Variants in NWD1 observed in about 807,000 individuals in gnomAD.
NWD1 encodes the protein NACHT domain- and WD repeat-containing protein 1.
NWD1 carries 129 observed loss-of-function variants against 135.1 expected under a neutral mutation model. The observed-to-expected ratio is 0.96, with a 90% CI of 0.83 to 1.11. The LOEUF is 1.11. Among genes scored for constraint, NWD1 ranks in the 50% least tolerant of loss-of-function variants. NWD1 has a pLI of 0.00. For synonymous variants in NWD1, 773 were observed against 786.0 expected (o/e 0.98, Z 0.28); for missense variants, 1,740 against 1,851.3 (o/e 0.94, Z 1.10).
chr19:16,745,832 G>T (rs112057770), intron 5 of NWD1, among the ~76,000 whole-genome samples: 2 of 152,128 alleles, frequency 1.3e-5, no homozygotes, highest in Non-Finnish European at 1.5e-5. Context: ...TGAGAGGATC[G>T]CTGGAGCCCG....
intron 18 of NWD1, among the ~76,000 whole-genome samples, chr19:16,808,827 C>T (rs79902980): frequency 0.042 from 6,323 of 152,004 alleles, 422 homozygotes; most frequent in African/African-American, 0.14. Flanking sequence ...GGTGCAGTGG[C>T]TCACCCGGCA....
chr19:16,784,262 C>T (rs1324983982), intron 12 of NWD1, among the ~76,000 whole-genome samples: 2 of 151,562 alleles, frequency 1.3e-5, no homozygotes, highest in African/African-American at 2.4e-5. Context: ...TCCCAGGCTG[C>T]GGCTGAGGCA....
At position 16,741,723 on chromosome 19, in the gene NWD1, G is replaced by A. The variant is rs572191866; in HGVS notation, c.199-2698G>A. ...GAATTTCCCTGACTCCCCAGGCTAC[G>A]TACGACCCATGTTTTACCCTTTCTT... On this transcript the variant is annotated intron_variant, in intron 4 of 18. Coordinates refer to ENST00000524140, the MANE Select transcript of NWD1 (RefSeq NM_001007525.5). 1.1e-4 allele frequency among the ~76,000 whole-genome samples: 16 copies of A among 151,992 alleles called. No homozygotes were observed. The South Asian group carries it at 2.7e-3, about 26-fold the overall frequency.
In NWD1 at chr19:16,744,427, A is replaced by G. The variant is rs1355320694; in HGVS notation, c.205A>G (p.Ile69Val). The change falls in exon 5 of 19, where the codon ATC (isoleucine) becomes GTC (valine). Residue 69 changes from isoleucine to valine, a missense_variant. By Grantham distance (29) the Ile-to-Val change is conservative. Coordinates refer to ENST00000524140, the MANE Select transcript of NWD1 (RefSeq NM_001007525.5). ...TSIGPAFVAL[I>V]GDQYGPCLIP... Reference sequence around the variant, plus strand: ...GTGACTTCCTCTCTGCCAGGCCCTCATCGGTGATCAGTACGGCCCCTGTCT... The same window carrying G: ...GTGACTTCCTCTCTGCCAGGCCCTCGTCGGTGATCAGTACGGCCCCTGTCT... 2 of 1,535,570 alleles carry G rather than the reference A, an allele frequency of 1.3e-6. No individual in the cohort carries two copies. The highest frequency in any genetic ancestry group is 8.7e-7 in the Non-Finnish European group (1 of 1,146,494).
At chr19:16,811,058 G>T (rs954397009) in intron 18 of NWD1, among the ~76,000 whole-genome samples, 4 of 152,010 alleles carry the variant, frequency 2.6e-5, no homozygotes, top group African/African-American at 9.7e-5. Flanking sequence ...TAGAGACAGG[G>T]TTTCACCCAC....
chr19:16,806,966 G>A (rs536682163), intron 17 of NWD1, among the ~76,000 whole-genome samples: 2 of 151,672 alleles, frequency 1.3e-5, no homozygotes, highest in East Asian at 1.9e-4. Context: ...ACAGTGAGCC[G>A]AGATTGTGCC....
rs765130872 is a variant in NWD1, at chr19:16,791,569, G to A, written c.3160G>A (p.Val1054Ile). 10 of 1,614,062 alleles carry A rather than the reference G, an allele frequency of 6.2e-6. No individual in the cohort carries two copies. Among genetic ancestry groups the A allele is most frequent in the Non-Finnish European group, 8.5e-6 (10 of 1,180,036 alleles). Residue 1054 changes from valine to isoleucine, a missense_variant, in exon 14 of 19, where the codon GTC becomes ATC. Physicochemically the swap from Val to Ile is conservative, Grantham distance 29. Coordinates refer to ENST00000524140, the MANE Select transcript of NWD1 (RefSeq NM_001007525.5). Reference sequence around the variant, plus strand: ...AGAAACACCTACCTGTGCCGTCTCAGTCCAGAAGCAAGGAAAGCTTGTTAC... The same window carrying A: ...AGAAACACCTACCTGTGCCGTCTCAATCCAGAAGCAAGGAAAGCTTGTTAC... ...KEETPTCAVS[V>I]QKQGKLVTGF... is the part of the protein sequence containing the mutation.
chr19:16,764,173 A>T (rs898471575), intron 9 of NWD1, among the ~76,000 whole-genome samples: 2 of 152,198 alleles, frequency 1.3e-5, no homozygotes, highest in Non-Finnish European at 1.5e-5. Context: ...TGGTGGGTGG[A>T]GGCCAGGAAT....
chr19:16,807,901 T>C lies in NWD1; in HGVS notation c.4052T>C (p.Leu1351Pro), dbSNP rs1970803515. Residue 1351 changes from leucine to proline, a missense_variant, in exon 18 of 19, where the codon CTC (leucine) becomes CCC (proline). Coordinates refer to ENST00000524140, the MANE Select transcript of NWD1 (RefSeq NM_001007525.5). ...TTTTACACTCAGCTGCCCGAGACCC[T>C]CTCCAGCGTGGCCATTCTGACGGAC... ...YTFYTQLPETLSSVAILTDYR... is the reference protein window; with the variant it reads ...YTFYTQLPETPSSVAILTDYR... 2 of 1,614,056 alleles carry C rather than the reference T, an allele frequency of 1.2e-6. No homozygotes were observed. The highest frequency in any genetic ancestry group is 1.7e-6 in the Non-Finnish European group (2 of 1,180,018).
In NWD1 at chr19:16,789,189, A is replaced by C. The variant is rs1970160224; in HGVS notation, c.2939A>C (p.Lys980Thr). The C allele has an allele frequency of 6.2e-7, 1 of 1,611,620 alleles. No individual in the cohort carries two copies. The change falls in exon 13 of 19, where the codon AAG (lysine) becomes ACG (threonine). Residue 980 changes from lysine (K) to threonine (T), a missense_variant and splice_region_variant. Coordinates refer to ENST00000524140, the MANE Select transcript of NWD1 (RefSeq NM_001007525.5). ...GTTGTGTATTCAGCATCTGGCTCAA[A>C]GGTAACAAACATATGCCCTGTTTGT... is the stretch of plus-strand genomic sequence containing the variant. ...HKVVYSASGS[K>T]INAWNLETAE...
intron 10 of NWD1, among the ~76,000 whole-genome samples, chr19:16,770,811 A>C (rs1294491020): frequency 1.3e-5 from 2 of 152,154 alleles, no homozygotes; most frequent in African/African-American, 4.8e-5. Flanking sequence ...TTCTGCCCTG[A>C]AACCCTATTT....
At chr19:16,728,010 A>C (rs180795169) in intron 2 of NWD1, among the ~76,000 whole-genome samples, 1 of 151,988 alleles carries the variant, frequency 6.6e-6, no homozygotes, top group African/African-American at 2.4e-5. Context: ...GCAGTGAGCC[A>C]AGATCGCGCC....
At chr19:16,737,805 C>G (rs1967885446) in intron 4 of NWD1, among the ~76,000 whole-genome samples, 1 of 151,570 alleles carries the variant, frequency 6.6e-6, no homozygotes, top group African/African-American at 2.4e-5. Flanking sequence ...AGTCCCATAT[C>G]TACTAAAAAA....
At chr19:16,734,700 A>G (rs1173159864) in intron 3 of NWD1, among the ~76,000 whole-genome samples, 3 of 151,352 alleles carry the variant, frequency 2.0e-5, no homozygotes, top group African/African-American at 4.9e-5. Flanking sequence ...CCTCTCAAGT[A>G]TCTGAGACTA....
chr19:16,778,606 T>C (rs1262294537), intron 11 of NWD1, among the ~76,000 whole-genome samples: 1 of 151,726 alleles, frequency 6.6e-6, no homozygotes, highest in Admixed American at 6.6e-5. Context: ...CCTCCTGGGC[T>C]CAAGTCATTC....
intron 6 of NWD1, among the ~76,000 whole-genome samples, chr19:16,754,140 T>A (rs1293294135): frequency 1.3e-5 from 2 of 151,340 alleles, no homozygotes; most frequent in Admixed American, 1.3e-4. Flanking sequence ...TGACCTTTCA[T>A]CCATCCGTCC....
chr19:16,800,280 T>C, intron 17 of NWD1, 118 bp downstream of exon 17: 1 of 1,058,190 alleles, frequency 9.5e-7, no homozygotes, highest in South Asian at 1.7e-5. Context: ...ACGCCTGTAA[T>C]CCCAGGACTT....
rs1371878820 is a variant in NWD1 at position 16,815,394 on chromosome 19, A to C, written c.*355A>C. On this transcript the variant is annotated 3_prime_UTR_variant, in exon 19 of 19. Transcript: ENST00000524140. ...CCAGTGAGTTAGCCCCATTTAATCT[A>C]GTTAAAGCAAAAAGAATACGTTTGC... The C allele has an allele frequency of 1.6e-6, 1 of 638,806 alleles. No individual in the cohort carries two copies. Among genetic ancestry groups the C allele is most frequent in the Non-Finnish European group, 2.8e-6 (1 of 356,602 alleles). The allele number at this position is 638,806 out of a possible 1,614,324, so 39.6% of individuals were successfully genotyped here.
intron 1 of NWD1, chr19:16,721,437 T>TCGGGTCCA (rs1229941220): frequency 6.6e-6 from 1 of 152,172 alleles, no homozygotes; most frequent in African/African-American, 2.4e-5. Context: ...TGAAGTGAAT[T>TCGGGTCCA]CGGGTCCAAG....
Sources: allele counts gnomAD v4.1 joint callset (sites outside exome capture counted in the v4.1 genomes callset), GRCh38; gene constraint gnomAD v4.1.1; transcripts MANE v1.5; gene names NCBI Gene and HGNC (gene_info 2026-07-23, HGNC 2026-07-21).